The following TNFRSF14 variants were observed in gnomAD, a reference collection of about 807,000 sequenced individuals.
TNFRSF14 encodes tumor necrosis factor receptor superfamily member 14.
A neutral mutation model predicts 34.1 loss-of-function variants in TNFRSF14; 18 were observed. That is an observed-to-expected ratio of 0.53 (90% CI 0.36 to 0.78). TNFRSF14 has a LOEUF of 0.78. Among genes scored for constraint, TNFRSF14 ranks in the 30% least tolerant of loss-of-function variants. TNFRSF14 has a pLI of 0.00. For synonymous variants in TNFRSF14, 157 were observed against 153.2 expected (o/e 1.02, Z -0.18); for missense variants, 352 against 379.5 (o/e 0.93, Z 0.60).
At chr1:2,559,105 G>A in intron 3 of TNFRSF14, 1 of 1,365,954 alleles carries the variant, frequency 7.3e-7, no homozygotes, top group African/African-American at 1.4e-5. Context: ...GCGGGACAGG[G>A]CTGACGGCAC....
At chr1:2,563,006 G>A in intron 7 of TNFRSF14, 110 bp downstream of exon 7, 1 of 1,547,724 alleles carries the variant, frequency 6.5e-7, no homozygotes, top group South Asian at 1.2e-5. Context: ...GTTCTCTGAG[G>A]GTCCTGAGTC....
At chr1:2,559,162 G>A (rs1390944687) in intron 3 of TNFRSF14, 54 of 1,365,370 alleles carry the variant, frequency 4.0e-5, no homozygotes, top group Non-Finnish European at 5.2e-5. Flanking sequence ...GGGCAGGTGG[G>A]CTAGCCATGA....
chr1:2,559,624 A>G (rs755804236), intron 3 of TNFRSF14, 199 bp from the exon 4 acceptor site: 315 of 1,534,462 alleles, frequency 2.1e-4, no homozygotes, highest in Non-Finnish European at 2.6e-4. Context: ...TCCCACACGC[A>G]GCTCTGCCGT....
intron 1 of TNFRSF14, chr1:2,557,014 C>A (rs1472955781): frequency 4.6e-6 from 2 of 438,950 alleles, no homozygotes; most frequent in Non-Finnish European, 8.1e-6. Context: ...CCCCATTTGG[C>A]CGGATGTGGG....
intron 3 of TNFRSF14, chr1:2,559,050 G>A: frequency 2.2e-6 from 3 of 1,369,146 alleles, no homozygotes; most frequent in Non-Finnish European, 2.9e-6. Context: ...CTCATGCCAG[G>A]CTCAGCATGG....
chr1:2,559,037 A>G, intron 3 of TNFRSF14: 1 of 1,368,982 alleles, frequency 7.3e-7, no homozygotes, highest in East Asian at 3.4e-5. Context: ...GTCCCCTTGG[A>G]GCCTCATGCC....
chr1:2,559,096 C>A, intron 3 of TNFRSF14: 2 of 1,366,988 alleles, frequency 1.5e-6, no homozygotes, highest in Non-Finnish European at 1.9e-6. Context: ...ACTGCACCTG[C>A]GGGACAGGGC....
At chr1:2,560,121 A>G in intron 4 of TNFRSF14, 143 bp downstream of exon 4, 1 of 1,282,438 alleles carries the variant, frequency 7.8e-7, no homozygotes, top group Non-Finnish European at 1.0e-6. Flanking sequence ...AGGCCCACCC[A>G]CTTCAGCCCT....
chr1:2,556,769 A>G, intron 1 of TNFRSF14, 36 bp downstream of exon 1: 1 of 1,553,094 alleles, frequency 6.4e-7, no homozygotes, highest in Non-Finnish European at 8.7e-7. Flanking sequence ...CTGCTCGCAG[A>G]TCCCAGTTCT....
chr1:2,561,742 A>G lies in TNFRSF14; in HGVS notation c.621A>G (p.Ser207=), dbSNP rs977131395. ...SSSHWVWWFL[S]GSLVIVIVCS... ...CCCACTGGGTATGGTGGTTTCTCTC[A>G]GGGAGCCTCGTCATCGTCATTGTTT... is the stretch of plus-strand genomic sequence containing the variant. The change falls in exon 6 of 8, where the codon TCA becomes TCG. Residue 207 remains serine, a synonymous_variant. Coordinates refer to ENST00000355716, the MANE Select transcript of TNFRSF14 (RefSeq NM_003820.4). The surrounding 1 kb of genome is among the most constrained non-coding windows in gnomAD (Gnocchi z 6.0). 1.9e-6 allele frequency: 3 copies of G among 1,613,576 alleles called. No homozygotes were observed. Among genetic ancestry groups the G allele is most frequent in the African/African-American group, 2.7e-5 (2 of 74,916 alleles).
rs1644311892 is a variant in TNFRSF14 at position 2,561,706 on chromosome 1, G to A, written c.585G>A (p.Gly195=). 6.2e-7 allele frequency: 1 copy of A among 1,613,348 alleles called. No individual in the cohort carries two copies. The highest frequency in any genetic ancestry group is 8.5e-7 in the Non-Finnish European group (1 of 1,179,984). ...GGCTGGTGACGAAGGCCGGAGCTGG[G>A]ACCAGCAGCTCCCACTGGGTATGGT... ...CSWLVTKAGA[G]TSSSHWVWWF... The change falls in exon 6 of 8, where the codon GGG becomes GGA. Residue 195 remains glycine, a synonymous_variant. Transcript: ENST00000355716. The surrounding 1 kb of genome is among the most constrained non-coding windows in gnomAD (Gnocchi z 6.0).
chr1:2,554,289 A>C (rs1339210769), upstream of TNFRSF14: 3 of 152,766 alleles, frequency 2.0e-5, no homozygotes, highest in African/African-American at 7.2e-5. This position sits in a 1 kb window ranked among gnomAD's most constrained non-coding sequence, Gnocchi z 4.2. Context: ...GTGCCGGGAG[A>C]GCCCACGCTG....
At chr1:2,558,254 G>T in intron 2 of TNFRSF14, 89 bp from the exon 3 acceptor site, 2 of 1,514,548 alleles carry the variant, frequency 1.3e-6, no homozygotes, top group Non-Finnish European at 1.8e-6. Flanking sequence ...GTGTCTCCCT[G>T]CTTGGGCTCT....
In TNFRSF14 at chr1:2,561,330, C is replaced by T; in HGVS notation, c.552-343C>T. Reference sequence around the variant, plus strand: ...CATTTTTGTCCCGACACTGGCTCTCCCTCTACCTTCTGTCCTTGTCTGCCA... The same window carrying T: ...CATTTTTGTCCCGACACTGGCTCTCTCTCTACCTTCTGTCCTTGTCTGCCA... On this transcript the variant is annotated intron_variant, in intron 5 of 7. Transcript: ENST00000355716. The surrounding 1 kb of genome is among the most constrained non-coding windows in gnomAD (Gnocchi z 6.0). 1 of 661,590 alleles carries T rather than the reference C, an allele frequency of 1.5e-6. No homozygotes were observed. The highest frequency in any genetic ancestry group is 1.8e-5 in the African/African-American group (1 of 54,984). The allele number at this position is 661,590 out of a possible 1,614,324, so 41.0% of individuals were successfully genotyped here.
At chr1:2,557,908 C>T in intron 2 of TNFRSF14, 74 bp downstream of exon 2, 1 of 1,248,616 alleles carries the variant, frequency 8.0e-7, no homozygotes, top group Non-Finnish European at 1.1e-6. Context: ...GCCCCAGACA[C>T]CCCTGTGTTC....
At chr1:2,557,906 C>T in intron 2 of TNFRSF14, 72 bp downstream of exon 2, 1 of 1,279,796 alleles carries the variant, frequency 7.8e-7, no homozygotes, top group Non-Finnish European at 1.1e-6. Context: ...CTGCCCCAGA[C>T]ACCCCTGTGT....
At position 2,561,823 on chromosome 1, in the gene TNFRSF14, CA is replaced by C. The variant is rs1644314154; in HGVS notation, c.694+9del. ...AAAGAAGAAAGCCAAGGGGTGAGCA[CA>C]CGGCGGCCCCATCAGGGCTCATGTC... On this transcript the variant is annotated intron_variant, in intron 6 of 7. Transcript: ENST00000355716. The surrounding 1 kb of genome is among the most constrained non-coding windows in gnomAD (Gnocchi z 6.0). The C allele has an allele frequency of 6.2e-7, 1 of 1,612,236 alleles. No individual in the cohort carries two copies. The highest frequency in any genetic ancestry group is 1.7e-5 in the Admixed American group (1 of 59,944).
At chr1:2,562,089 C>A in intron 6 of TNFRSF14, 1 of 516,704 alleles carries the variant, frequency 1.9e-6, no homozygotes, top group Admixed American at 3.7e-5. Flanking sequence ...TCCTGCCTGC[C>A]CCCTGTGGGA....
At chr1:2,559,002 G>T (rs990091485) in intron 3 of TNFRSF14, 1 of 1,367,822 alleles carries the variant, frequency 7.3e-7, no homozygotes, top group African/African-American at 1.4e-5. Context: ...TGAGCGCAGA[G>T]CCTGTCCATG....
Sources: allele counts gnomAD v4.1 joint callset, GRCh38; gene constraint gnomAD v4.1.1; non-coding constraint Gnocchi (gnomAD v3.1); transcripts MANE v1.5; gene names NCBI Gene and HGNC (gene_info 2026-07-23, HGNC 2026-07-21).